Variants in ZNF440 observed in about 807,000 individuals in gnomAD.
ZNF440 encodes zinc finger protein 440.
In ZNF440, 47 loss-of-function variants were observed where a neutral mutation model predicts 49.7. The observed-to-expected ratio is 0.95, with a 90% CI of 0.75 to 1.21. The LOEUF is 1.21. Among genes scored for constraint, ZNF440 ranks in the 50% most tolerant of loss-of-function variants. ZNF440 has a pLI of 0.00. For missense variants in ZNF440, 703 were observed against 715.0 expected (o/e 0.98, Z 0.19); for synonymous variants, 255 against 237.7 (o/e 1.07, Z -0.67).
chr19:11,819,174 TA>T (rs968373028), intron 1 of ZNF440, among the ~76,000 whole-genome samples: 1 of 151,978 alleles, frequency 6.6e-6, no homozygotes, highest in African/African-American at 2.4e-5. Flanking sequence ...TATTAAATTT[TA>T]AAAAAATAGT....
chr19:11,830,526 A>G, intron 2 of ZNF440, 91 bp from the exon 3 acceptor site: 1 of 1,600,396 alleles, frequency 6.2e-7, no homozygotes, highest in South Asian at 1.1e-5. Flanking sequence ...TAAATGAGGT[A>G]TGGCTGCAGT....
chr19:11,832,514 A>G lies in ZNF440; in HGVS notation c.1338A>G (p.Gln446=), dbSNP rs763651687. Residue 446 remains glutamine, a synonymous_variant, in exon 4 of 4, where the codon CAA becomes CAG. Transcript: ENST00000304060. The stretch of plus-strand genomic sequence containing the variant: ...ACCTTCAAAGTCATGAAAGGACACA[A>G]ACACACATAAGAATACACTCTGGAG... The part of the protein sequence containing the change: ...VNNLQSHERT[Q]THIRIHSGER... 6.2e-7 allele frequency: 1 copy of G among 1,613,908 alleles called. No individual in the cohort carries two copies. Among genetic ancestry groups the G allele is most frequent in the South Asian group, 1.1e-5 (1 of 91,070 alleles).
chr19:11,828,833 C>T (rs1046595677), intron 1 of ZNF440, among the ~76,000 whole-genome samples: 3 of 151,468 alleles, frequency 2.0e-5, no homozygotes, highest in Admixed American at 6.6e-5. Context: ...TACAGGAAAG[C>T]GCCATTACAC....
In ZNF440 at chr19:11,827,125, G is replaced by A. The variant is rs1022694320; in HGVS notation, c.4-3158G>A. The stretch of plus-strand genomic sequence containing the variant: ...GTCACCCAGGCTGGAGGGCAGTGGC[G>A]TAATCTTGGCTCACTGCAACCTCTG... On this transcript the variant is annotated intron_variant, in intron 1 of 3. Transcript: ENST00000304060. Among the ~76,000 whole-genome samples, 11 of 150,868 alleles carry A rather than the reference G, an allele frequency of 7.3e-5. 1 individual carries two copies. The highest frequency in any genetic ancestry group is 2.0e-4 in the Admixed American group (3 of 15,122).
intron 1 of ZNF440, among the ~76,000 whole-genome samples, chr19:11,824,544 A>T (rs1225561821): frequency 6.6e-6 from 1 of 152,064 alleles, no homozygotes; most frequent in African/African-American, 2.4e-5. Context: ...ATCGGATTTT[A>T]TTTTAACTCA....
chr19:11,827,804 G>A (rs1322284325), intron 1 of ZNF440, among the ~76,000 whole-genome samples: 1 of 152,050 alleles, frequency 6.6e-6, no homozygotes, highest in Non-Finnish European at 1.5e-5. Flanking sequence ...TTATGGAGAC[G>A]GGTATCTCCT....
At chr19:11,824,182 C>CAAAAAAAAAAAAAAAA (rs200865473) in intron 1 of ZNF440, among the ~76,000 whole-genome samples, 2 of 59,988 alleles carry the variant, frequency 3.3e-5, no homozygotes, top group African/African-American at 6.1e-5. Context: ...TACCCTGTTT[C>CAAAAAAAAAAAAAAAA]AAAAAAAAAA....
chr19:11,832,967 C>A lies in ZNF440; in HGVS notation c.*3C>A, dbSNP rs1033162799. The A allele has an allele frequency of 1.2e-6, 2 of 1,607,072 alleles. No individual in the cohort carries two copies. Among genetic ancestry groups the A allele is most frequent in the African/African-American group, 2.7e-5 (2 of 74,342 alleles). On this transcript the variant is annotated 3_prime_UTR_variant, in exon 4 of 4. Transcript: ENST00000304060. Reference sequence around the variant, plus strand: ...TGAAAGGACACAAACACACATAATGCACTCTGTAGAGAGACCTTATAAATG... The same window carrying A: ...TGAAAGGACACAAACACACATAATGAACTCTGTAGAGAGACCTTATAAATG...
At chr19:11,818,289 A>T (rs547995118) in intron 1 of ZNF440, among the ~76,000 whole-genome samples, 2 of 152,172 alleles carry the variant, frequency 1.3e-5, no homozygotes, top group East Asian at 3.8e-4. Context: ...ACATCAGGAC[A>T]TTCTGTTGTT....
Position 11,832,730 on chromosome 19 carries a change from C to T in ZNF440, c.1554C>T (p.Ser518=). ...LTLERSPINA[S]NVGKPSELCQ... ...TGGAGAGAAGCCCTATAAATGCGAG[C>T]AATGTGGGAAAGCCTTCAGAGCTGT... Residue 518 remains serine (S), a synonymous_variant, in exon 4 of 4, where the codon AGC becomes AGT. Coordinates refer to ENST00000304060, the MANE Select transcript of ZNF440 (RefSeq NM_152357.3). The T allele has an allele frequency of 6.2e-7, 1 of 1,613,120 alleles. No individual in the cohort carries two copies. The highest frequency in any genetic ancestry group is 8.5e-7 in the Non-Finnish European group (1 of 1,179,762).
chr19:11,833,131 G>A lies in ZNF440; in HGVS notation c.*167G>A, dbSNP rs1440909493. ...TCACTTCCTTTCGATATCATGAAAG[G>A]ACTCACACTGGAGAGAACCCCTATG... On this transcript the variant is annotated 3_prime_UTR_variant, in exon 4 of 4. Coordinates refer to ENST00000304060, the MANE Select transcript of ZNF440 (RefSeq NM_152357.3). 2 of 1,398,592 alleles carry A rather than the reference G, an allele frequency of 1.4e-6. No homozygotes were observed. Among genetic ancestry groups the A allele is most frequent in the Non-Finnish European group, 2.0e-6 (2 of 994,430 alleles). 86.6% of individuals were successfully genotyped at this position (1,398,592 alleles called of 1,614,324 possible). A position where few individuals can be genotyped will look rare whatever the true frequency, so the allele number is the denominator to read the frequency against.
In ZNF440 at chr19:11,832,343, T is replaced by C. The variant is rs761588629; in HGVS notation, c.1167T>C (p.Thr389=). The C allele has an allele frequency of 1.2e-6, 2 of 1,614,142 alleles. No homozygotes were observed. The highest frequency in any genetic ancestry group is 4.5e-5 in the East Asian group (2 of 44,870). ...HSSSLRYHER[T]HTGEKPYECK... Reference sequence around the variant, plus strand: ...GTTCCCTTCGATATCATGAAAGGACTCACACTGGAGAGAAACCCTATGAGT... The same window carrying C: ...GTTCCCTTCGATATCATGAAAGGACCCACACTGGAGAGAAACCCTATGAGT... Residue 389 remains threonine, a synonymous_variant, in exon 4 of 4, where the codon ACT becomes ACC. Coordinates refer to ENST00000304060, the MANE Select transcript of ZNF440 (RefSeq NM_152357.3).
chr19:11,820,341 C>T (rs905481657), intron 1 of ZNF440, among the ~76,000 whole-genome samples: 4 of 152,128 alleles, frequency 2.6e-5, no homozygotes, highest in Admixed American at 6.5e-5. Flanking sequence ...CTCAGCCTCC[C>T]GAGTAGCTGG....
intron 1 of ZNF440, among the ~76,000 whole-genome samples, chr19:11,822,839 C>G (rs1429653377): frequency 1.6e-5 from 1 of 62,614 alleles, no homozygotes; most frequent in Non-Finnish European, 3.6e-5. Context: ...AAGAGTGAAA[C>G]TCCGTTAAAA....
At chr19:11,819,081 G>A (rs1200069738) in intron 1 of ZNF440, among the ~76,000 whole-genome samples, 1 of 152,124 alleles carries the variant, frequency 6.6e-6, no homozygotes, top group African/African-American at 2.4e-5. Flanking sequence ...GCCAAGGCAG[G>A]TGGATGGCTT....
intron 1 of ZNF440, among the ~76,000 whole-genome samples, chr19:11,823,658 A>C (rs1158257843): frequency 2.0e-5 from 3 of 152,082 alleles, no homozygotes; most frequent in Non-Finnish European, 4.4e-5. Context: ...GACTTGAAGA[A>C]AATTAGTTTT....
Position 11,833,442 on chromosome 19 carries a change from C to T in ZNF440, c.*478C>T, listed in dbSNP as rs1408217316. On this transcript the variant is annotated 3_prime_UTR_variant, in exon 4 of 4. Transcript: ENST00000304060. ...GAATGCAGAAAAGCATTCAGCTTGC[C>T]TACTTCCTTTCATAGACATGAAAAG... 8.0e-6 allele frequency: 3 copies of T among 374,748 alleles called. No individual in the cohort carries two copies. Among genetic ancestry groups the T allele is most frequent in the African/African-American group, 2.2e-5 (1 of 46,340 alleles). 23.2% of individuals were successfully genotyped at this position (374,748 alleles called of 1,614,324 possible). A position where few individuals can be genotyped will look rare whatever the true frequency, so the allele number is the denominator to read the frequency against.
Position 11,832,310 on chromosome 19 carries a change from T to G in ZNF440, c.1134T>G (p.Pro378=), listed in dbSNP as rs1276793459. ...YKCKQCGKAF[P]HSSSLRYHER... The stretch of plus-strand genomic sequence containing the variant: ...GTAAGCAGTGTGGTAAAGCCTTCCC[T>G]CATTCCAGTTCCCTTCGATATCATG... The change falls in exon 4 of 4, where the codon CCT becomes CCG. Residue 378 remains proline (P), a synonymous_variant. Coordinates refer to ENST00000304060, the MANE Select transcript of ZNF440 (RefSeq NM_152357.3). 1 of 1,613,960 alleles carries G rather than the reference T, an allele frequency of 6.2e-7. No homozygotes were observed. Among genetic ancestry groups the G allele is most frequent in the Non-Finnish European group, 8.5e-7 (1 of 1,180,034 alleles).
chr19:11,824,706 C>CT (rs71166634), intron 1 of ZNF440, among the ~76,000 whole-genome samples: 2,055 of 120,478 alleles, frequency 0.017, 82 homozygotes, highest in African/African-American at 0.039. Flanking sequence ...CCCCACCACC[C>CT]TTTTTTTTTT....
Sources: allele counts gnomAD v4.1 joint callset (sites outside exome capture counted in the v4.1 genomes callset), GRCh38; gene constraint gnomAD v4.1.1; transcripts MANE v1.5; gene names NCBI Gene and HGNC (gene_info 2026-07-23, HGNC 2026-07-21).